SUMF1: variants seen among roughly 807,000 people sequenced by gnomAD.
The protein encoded by SUMF1 is formylglycine-generating enzyme.
Under a neutral mutation model 47.6 loss-of-function variants are expected in SUMF1, and 48 were observed. The observed-to-expected ratio is 1.01, with a 90% CI of 0.80 to 1.28. SUMF1 has a LOEUF of 1.28. SUMF1 is among the 50% of genes most tolerant of loss of function. The pLI is 0.00. For synonymous variants in SUMF1, 230 were observed against 192.1 expected, an observed-to-expected ratio of 1.20 and a Z score of -1.63; for missense variants, 571 against 485.4, an observed-to-expected ratio of 1.18 and a Z score of -1.66.
chr3:4,113,422 G>T (rs569641968), intron 8 of SUMF1, among the ~76,000 whole-genome samples: 15 of 152,078 alleles, frequency 9.9e-5, no homozygotes, highest in African/African-American at 3.6e-4. Flanking sequence ...CCAGCTATGT[G>T]GGGGGCTGAG....
chr3:4,043,581 C>T (rs1227896286), intron 9 of SUMF1, among the ~76,000 whole-genome samples: 2 of 152,048 alleles, frequency 1.3e-5, no homozygotes, highest in Non-Finnish European at 2.9e-5. Flanking sequence ...CTGGACTTGC[C>T]CTTTACCAGT....
intron 8 of SUMF1, among the ~76,000 whole-genome samples, chr3:4,220,119 T>G (rs1479470218): frequency 1.3e-5 from 2 of 152,120 alleles, no homozygotes; most frequent in African/African-American, 4.8e-5. Flanking sequence ...TTCTTCTCTT[T>G]GTTTTCTACA....
At chr3:4,283,801 G>C (rs944511341) in intron 8 of SUMF1, among the ~76,000 whole-genome samples, 1 of 152,096 alleles carries the variant, frequency 6.6e-6, no homozygotes, top group Non-Finnish European at 1.5e-5. Context: ...CTGGAGGCTG[G>C]GGAGTACACC....
intron 8 of SUMF1, among the ~76,000 whole-genome samples, chr3:4,324,835 T>G (rs536582632): frequency 6.6e-6 from 1 of 152,274 alleles, no homozygotes; most frequent in East Asian, 1.9e-4. Context: ...GCAATTCTAT[T>G]TTTCTTTTAC....
chr3:4,151,139 A>G (rs921307538), intron 8 of SUMF1, among the ~76,000 whole-genome samples: 3 of 151,280 alleles, frequency 2.0e-5, no homozygotes, highest in Non-Finnish European at 2.9e-5. Context: ...GTTTCATGCA[A>G]CAGAGAACAA....
chr3:4,166,726 A>G (rs1694715158), intron 8 of SUMF1, among the ~76,000 whole-genome samples: 2 of 152,138 alleles, frequency 1.3e-5, no homozygotes, highest in South Asian at 2.1e-4. Context: ...ATGTAACTTT[A>G]AGAGTTCCAC....
chr3:4,034,746 A>T (rs1228934958), intron 9 of SUMF1, among the ~76,000 whole-genome samples: 1 of 152,070 alleles, frequency 6.6e-6, no homozygotes, highest in Non-Finnish European at 1.5e-5. Context: ...CAATTGATGA[A>T]CTACAATACA....
At chr3:4,254,148 C>T (rs893865273) in intron 8 of SUMF1, among the ~76,000 whole-genome samples, 2 of 151,888 alleles carry the variant, frequency 1.3e-5, no homozygotes, top group Non-Finnish European at 2.9e-5. Flanking sequence ...GCAAAAAAAA[C>T]CACAAAGATG....
chr3:4,462,844 C>T (rs1352631983), intron 1 of SUMF1, among the ~76,000 whole-genome samples: 3 of 152,248 alleles, frequency 2.0e-5, no homozygotes, highest in African/African-American at 7.2e-5. Flanking sequence ...CCTGCCTCTA[C>T]AGACAGACAC....
At chr3:4,093,768 G>A (rs663377) in intron 8 of SUMF1, among the ~76,000 whole-genome samples, 24,865 of 151,904 alleles carry the variant, frequency 0.16, 2,136 homozygotes, top group South Asian at 0.25. Flanking sequence ...TTCTAAGGAA[G>A]AAGAATAAAA....
At chr3:4,305,597 A>C (rs964414471) in intron 8 of SUMF1, among the ~76,000 whole-genome samples, 2 of 152,232 alleles carry the variant, frequency 1.3e-5, no homozygotes, top group Admixed American at 6.5e-5. Flanking sequence ...GGGCAATTTC[A>C]AGATATGGCA....
intron 8 of SUMF1, among the ~76,000 whole-genome samples, chr3:4,324,538 T>C (rs1395710503): frequency 6.6e-6 from 1 of 152,194 alleles, no homozygotes; most frequent in Non-Finnish European, 1.5e-5. Flanking sequence ...GGTAGATGGT[T>C]AGATTCTTGT....
At chr3:4,319,441 G>C (rs552630432) in intron 8 of SUMF1, among the ~76,000 whole-genome samples, 20 of 152,248 alleles carry the variant, frequency 1.3e-4, no homozygotes, top group South Asian at 6.2e-4. Context: ...GGAATTAAGG[G>C]GGGTAAAGAA....
chr3:4,433,852 A>G (rs1030871624), intron 3 of SUMF1, among the ~76,000 whole-genome samples: 4 of 152,264 alleles, frequency 2.6e-5, no homozygotes, highest in African/African-American at 7.2e-5. Context: ...ACTAGAAGTC[A>G]AAGAACACAC....
intron 8 of SUMF1, among the ~76,000 whole-genome samples, chr3:4,367,160 G>A (rs1361536545): frequency 6.6e-6 from 1 of 152,044 alleles, no homozygotes; most frequent in Non-Finnish European, 1.5e-5. Flanking sequence ...GGCTGCTCGG[G>A]GGTCAGGGGT....
chr3:4,111,587 G>T (rs1381796841), intron 8 of SUMF1, among the ~76,000 whole-genome samples: 1 of 151,834 alleles, frequency 6.6e-6, no homozygotes, highest in Non-Finnish European at 1.5e-5. Context: ...GGGTAGTGGT[G>T]CGCACCTGCC....
chr3:4,075,535 A>C (rs1239276008), intron 8 of SUMF1, among the ~76,000 whole-genome samples: 1 of 152,132 alleles, frequency 6.6e-6, no homozygotes, highest in Admixed American at 6.5e-5. Flanking sequence ...AATTAGGAAA[A>C]GAGGAAGTCA....
At chr3:4,461,445 T>C (rs762450609) in intron 1 of SUMF1, among the ~76,000 whole-genome samples, 2 of 152,250 alleles carry the variant, frequency 1.3e-5, no homozygotes, top group Non-Finnish European at 2.9e-5. Context: ...AGCTTTCCTG[T>C]GGCAAATACT....
chr3:4,403,574 T>C (rs1701282102), intron 7 of SUMF1, among the ~76,000 whole-genome samples: 1 of 152,044 alleles, frequency 6.6e-6, no homozygotes. Flanking sequence ...CGACAACTGT[T>C]CTTAGGTATC....
Sources: allele counts gnomAD v4.1 joint callset (sites outside exome capture counted in the v4.1 genomes callset), GRCh38; gene constraint gnomAD v4.1.1; transcripts MANE v1.5; gene names NCBI Gene and HGNC (gene_info 2026-07-23, HGNC 2026-07-21).